Variants in ASRGL1 observed in about 807,000 individuals in gnomAD.
The protein encoded by ASRGL1 is asparaginase and isoaspartyl peptidase 1.
Under a neutral mutation model 22.4 loss-of-function variants are expected in ASRGL1, and 16 were observed. The ratio of observed to expected loss-of-function variants is 0.71; its 90% CI spans 0.48 to 1.08. The LOEUF (loss-of-function observed/expected upper bound fraction) is 1.08, where lower values mean the gene tolerates loss of function less well. Among genes scored for constraint, ASRGL1 ranks in the 50% least tolerant of loss-of-function variants. The pLI is 0.00. For synonymous variants in ASRGL1, 165 were observed against 159.3 expected (o/e 1.04, Z -0.27); for missense variants, 412 against 410.1 (o/e 1.00, Z -0.04).
intron 2 of ASRGL1, among the ~76,000 whole-genome samples, chr11:62,346,639 C>T (rs182196319): frequency 1.3e-5 from 2 of 152,212 alleles, no homozygotes; most frequent in East Asian, 1.9e-4. Flanking sequence ...ATGTCTTAAA[C>T]GATAAATGAT....
chr11:62,380,785 T>A (rs1366834219), intron 4 of ASRGL1, among the ~76,000 whole-genome samples: 1 of 152,124 alleles, frequency 6.6e-6, no homozygotes, highest in East Asian at 1.9e-4. Flanking sequence ...AGAAAAGGAC[T>A]CATATCTGGC....
chr11:62,372,332 CG>C (rs1946796000), intron 4 of ASRGL1: 1 of 1,591,710 alleles, frequency 6.3e-7, no homozygotes, highest in Admixed American at 1.7e-5. Context: ...ACTAGACAGA[CG>C]CTGTCCCCAG....
chr11:62,400,597 A>G, the ASRGL1 span, among the ~76,000 whole-genome samples: 27 of 152,332 alleles, frequency 1.8e-4, no homozygotes, highest in African/African-American at 5.8e-4. Context: ...CCCCAGCTTC[A>G]TATTTTATGT....
intron 4 of ASRGL1, 72 bp downstream of exon 4, chr11:62,357,216 C>T: frequency 1.0e-6 from 1 of 958,416 alleles, no homozygotes. Context: ...ACCTGGTTAT[C>T]TACAGTTCTT....
At chr11:62,373,237 G>A in intron 4 of ASRGL1, 1 of 802,914 alleles carries the variant, frequency 1.2e-6, no homozygotes, top group Non-Finnish European at 2.2e-6. Flanking sequence ...CATGTGCACT[G>A]GGACGGGAAG....
At chr11:62,349,188 C>T (rs1253021295) in intron 2 of ASRGL1, among the ~76,000 whole-genome samples, 2 of 152,086 alleles carry the variant, frequency 1.3e-5, no homozygotes, top group African/African-American at 4.8e-5. Context: ...AGGCTGGTCT[C>T]GAACTCCTGA....
rs35096038 is a variant in ASRGL1 at position 62,383,602 on chromosome 11, CAAAAAAAAAAAAA to C, written c.492-5517_492-5505del. On this transcript the variant is annotated intron_variant, in intron 4 of 6. Coordinates refer to ENST00000415229, the MANE Select transcript of ASRGL1 (RefSeq NM_001083926.2). The stretch of plus-strand genomic sequence containing the variant: ...TGGGCGACAGAGCGAGACTCCTACT[CAAAAAAAAAAAAA>C]AAAAAAAAAAAAAGAACATCATCAG... Among the ~76,000 whole-genome samples, 18 of 21,934 alleles carry C rather than the reference CAAAAAAAAAAAAA, an allele frequency of 8.2e-4. 1 individual carries two copies. Among genetic ancestry groups the C allele is most frequent in the African/African-American group, 3.4e-3 (16 of 4,746 alleles). 14.4% of individuals were successfully genotyped at this position (21,934 alleles called of 152,430 possible).
Position 62,344,597 on chromosome 11 carries a change from GT to G in ASRGL1, c.190+6442del, listed in dbSNP as rs61330460. Reference sequence around the variant, plus strand: ...GGTATATATCAAGATTCCATTTTTGGTTTTTTTTTTTTGTGGCTACATAGTA... The same window carrying G: ...GGTATATATCAAGATTCCATTTTTGGTTTTTTTTTTTGTGGCTACATAGTA... On this transcript the variant is annotated intron_variant, in intron 2 of 6. Transcript: ENST00000415229. 1.6e-3 allele frequency among the ~76,000 whole-genome samples: 229 copies of G among 141,062 alleles called. 1 individual carries two copies. The highest frequency in any genetic ancestry group is 2.6e-3 in the Non-Finnish European group (169 of 63,966). The allele number at this position is 141,062 out of a possible 152,430, so 92.5% of individuals were successfully genotyped here.
At chr11:62,344,643 G>A (rs994721585) in intron 2 of ASRGL1, among the ~76,000 whole-genome samples, 1 of 151,614 alleles carries the variant, frequency 6.6e-6, no homozygotes, top group Non-Finnish European at 1.5e-5. Context: ...ACTTATGGGA[G>A]TACGTGAGAT....
At chr11:62,364,839 C>T (rs1347119210) in intron 4 of ASRGL1, among the ~76,000 whole-genome samples, 3 of 151,756 alleles carry the variant, frequency 2.0e-5, no homozygotes, top group Admixed American at 6.6e-5. Flanking sequence ...GAGGCTGAGG[C>T]GGGCAGATCA....
At chr11:62,366,211 G>A (rs1946606897) in intron 4 of ASRGL1, among the ~76,000 whole-genome samples, 3 of 134,506 alleles carry the variant, frequency 2.2e-5, no homozygotes, top group Admixed American at 1.5e-4. Context: ...GCAGTGAGCC[G>A]AGATCACACG....
At chr11:62,395,176 T>C (rs1210744225), downstream of ASRGL1, among the ~76,000 whole-genome samples, 1 of 152,140 alleles carries the variant, frequency 6.6e-6, no homozygotes, top group Non-Finnish European at 1.5e-5. Context: ...ACACAAACGC[T>C]AGCAAATGGC....
chr11:62,346,736 G>A (rs988007694), intron 2 of ASRGL1, among the ~76,000 whole-genome samples: 1 of 152,132 alleles, frequency 6.6e-6, no homozygotes, highest in African/African-American at 2.4e-5. Flanking sequence ...TTGGGAGGCC[G>A]AGGCAGGCAG....
chr11:62,368,376 G>C (rs1946672767), intron 4 of ASRGL1, among the ~76,000 whole-genome samples: 1 of 152,086 alleles, frequency 6.6e-6, no homozygotes. Context: ...GAACACTTGT[G>C]TATGCTTTTT....
intron 4 of ASRGL1, among the ~76,000 whole-genome samples, chr11:62,374,237 C>T (rs1329821277): frequency 1.3e-5 from 2 of 152,196 alleles, no homozygotes; most frequent in African/African-American, 2.4e-5. Flanking sequence ...TCCCCTTCCT[C>T]ACATGTCAGC....
At chr11:62,357,318 C>T (rs1028412381) in intron 4 of ASRGL1, 174 bp downstream of exon 4, 8 of 697,988 alleles carry the variant, frequency 1.1e-5, no homozygotes, top group Admixed American at 3.2e-5. Flanking sequence ...GGTGCGATCT[C>T]GGCTCACTGC....
At chr11:62,363,619 C>G (rs1457428638) in intron 4 of ASRGL1, among the ~76,000 whole-genome samples, 1 of 152,094 alleles carries the variant, frequency 6.6e-6, no homozygotes, top group East Asian at 1.9e-4. Context: ...AATTTTAATG[C>G]ACTCTGCAAT....
intron 4 of ASRGL1, among the ~76,000 whole-genome samples, chr11:62,364,175 A>AT (rs1946553365): frequency 1.3e-5 from 2 of 151,444 alleles, no homozygotes; most frequent in South Asian, 4.2e-4. Context: ...AAAAAAAAAA[A>AT]AAATCAGTAC....
chr11:62,360,474 A>C (rs754291914), intron 4 of ASRGL1, among the ~76,000 whole-genome samples: 6 of 152,084 alleles, frequency 3.9e-5, no homozygotes, highest in African/African-American at 1.2e-4. Context: ...ATTTTGGTAG[A>C]AAAAGAATGC....
Sources: gnomAD v4.1 joint callset for allele counts (sites outside exome capture counted in the v4.1 genomes callset) on GRCh38, gnomAD v4.1.1 for gene constraint, MANE v1.5 for transcripts, NCBI Gene and HGNC (gene_info 2026-07-23, HGNC 2026-07-21) for gene names.